PTPRD: variants seen among roughly 807,000 people sequenced by gnomAD.
The protein encoded by PTPRD is protein tyrosine phosphatase receptor type D, also known as receptor-type tyrosine-protein phosphatase delta.
PTPRD carries 34 observed loss-of-function variants against 214.5 expected under a neutral mutation model. The ratio of observed to expected loss-of-function variants is 0.16; its 90% CI spans 0.12 to 0.21. The LOEUF (loss-of-function observed/expected upper bound fraction) is 0.21. Ranked by LOEUF, PTPRD falls within the 10% of genes least tolerant of loss-of-function variation. The probability of loss-of-function intolerance (pLI) is 1.00; values close to 1 mark genes in which losing one functional copy is unlikely to be tolerated. For missense variants in PTPRD, 2,545 were observed against 2,398.7 expected (o/e 1.06, Z -1.27); for synonymous variants, 1,128 against 845.7 (o/e 1.33, Z -5.79).
rs191459216 is a variant in PTPRD, at chr9:8,892,134, G to T, written c.-104+126563C>A. 1.6e-3 allele frequency among the ~76,000 whole-genome samples: 250 copies of T among 152,220 alleles called. 1 individual carries two copies. The highest frequency in any genetic ancestry group is 5.7e-3 in the African/African-American group (237 of 41,522). ...TTCTTCTGATCCTCTGCTGACCCCA[G>T]CCCTAACAGCATGGGAGAGTTCAGT... On this transcript the variant is annotated intron_variant, in intron 11 of 45. Coordinates refer to ENST00000381196, the MANE Select transcript of PTPRD (RefSeq NM_002839.4).
chr9:8,331,346 TAATAGGAAGCA>T (rs1840702440), intron 44 of PTPRD, among the ~76,000 whole-genome samples: 1 of 152,154 alleles, frequency 6.6e-6, no homozygotes, highest in Non-Finnish European at 1.5e-5. Flanking sequence ...TTGGTTTGTC[TAATAGGAAGCA>T]AATTTTTTGG....
At chr9:10,496,756 T>C (rs1302835231) in intron 2 of PTPRD, among the ~76,000 whole-genome samples, 2 of 152,100 alleles carry the variant, frequency 1.3e-5, no homozygotes, top group Admixed American at 6.6e-5. Context: ...TATATCTTCT[T>C]TTGAGAGGTG....
At chr9:9,733,535 A>T (rs1272668794) in intron 7 of PTPRD, among the ~76,000 whole-genome samples, 6 of 152,200 alleles carry the variant, frequency 3.9e-5, no homozygotes, top group Admixed American at 3.9e-4. Context: ...ACATATTGAG[A>T]AATCCTGAAA....
chr9:10,223,611 C>A (rs1300844097), intron 3 of PTPRD, among the ~76,000 whole-genome samples: 5 of 150,492 alleles, frequency 3.3e-5, no homozygotes, highest in South Asian at 4.2e-4. Context: ...TTGCATTGAG[C>A]CAAGATCACA....
chr9:10,166,547 T>C (rs573470014), intron 3 of PTPRD, among the ~76,000 whole-genome samples: 15 of 152,148 alleles, frequency 9.9e-5, no homozygotes, highest in African/African-American at 3.4e-4. Context: ...CTCTGGAATT[T>C]AAATTATGAA....
intron 7 of PTPRD, among the ~76,000 whole-genome samples, chr9:9,727,421 G>C (rs367913274): frequency 6.6e-6 from 1 of 152,128 alleles, no homozygotes; most frequent in African/African-American, 2.4e-5. Context: ...CTGCACTCTA[G>C]CCTGGATAAC....
At chr9:10,226,690 C>T (rs1204021293) in intron 3 of PTPRD, among the ~76,000 whole-genome samples, 1 of 151,968 alleles carries the variant, frequency 6.6e-6, no homozygotes, top group African/African-American at 2.4e-5. Flanking sequence ...TGAAGCTAGC[C>T]CTTTTCCCAT....
At chr9:10,223,291 C>T (rs2099577443) in intron 3 of PTPRD, among the ~76,000 whole-genome samples, 1 of 151,750 alleles carries the variant, frequency 6.6e-6, no homozygotes, top group African/African-American at 2.4e-5. Context: ...TGCCTTTGTC[C>T]ATTTTATGCC....
At chr9:10,468,747 A>G (rs1025750738) in intron 2 of PTPRD, among the ~76,000 whole-genome samples, 1 of 152,144 alleles carries the variant, frequency 6.6e-6, no homozygotes, top group Non-Finnish European at 1.5e-5. Context: ...CAAATTCAGC[A>G]GTGAATGTTT....
At chr9:8,809,579 G>A (rs79715438) in intron 11 of PTPRD, among the ~76,000 whole-genome samples, 1 of 152,158 alleles carries the variant, frequency 6.6e-6, no homozygotes, top group African/African-American at 2.4e-5. Flanking sequence ...AGTCCTCAAA[G>A]ATATTATTAT....
chr9:9,232,262 T>C (rs2099963582), intron 9 of PTPRD, among the ~76,000 whole-genome samples: 1 of 152,172 alleles, frequency 6.6e-6, no homozygotes, highest in South Asian at 2.1e-4. Context: ...GATCAGCTTG[T>C]GGAAAATCAA....
intron 3 of PTPRD, among the ~76,000 whole-genome samples, chr9:10,088,964 T>C (rs969520649): frequency 1.3e-5 from 2 of 151,554 alleles, no homozygotes; most frequent in African/African-American, 4.8e-5. Context: ...GTGGTGAATT[T>C]AGGGGCCAAG....
At chr9:9,041,004 G>C (rs1379013409) in intron 10 of PTPRD, among the ~76,000 whole-genome samples, 5 of 152,190 alleles carry the variant, frequency 3.3e-5, no homozygotes, top group Admixed American at 2.6e-4. Context: ...TGCACTTCTT[G>C]TCTTAACTAC....
chr9:10,394,519 A>C (rs1247051259), intron 2 of PTPRD, among the ~76,000 whole-genome samples: 2 of 151,810 alleles, frequency 1.3e-5, no homozygotes. Flanking sequence ...TTGCTACATA[A>C]ACTAAGTTGG....
chr9:9,160,615 G>C (rs1010386540), intron 10 of PTPRD, among the ~76,000 whole-genome samples: 1 of 152,120 alleles, frequency 6.6e-6, no homozygotes, highest in African/African-American at 2.4e-5. Flanking sequence ...ATAGAAAATG[G>C]CATGGAGATT....
intron 10 of PTPRD, among the ~76,000 whole-genome samples, chr9:9,115,441 C>G (rs2154458109): frequency 6.6e-6 from 1 of 152,198 alleles, no homozygotes; most frequent in African/African-American, 2.4e-5. Flanking sequence ...ACCACCTTAC[C>G]CCAGCCAGAA....
intron 4 of PTPRD, among the ~76,000 whole-genome samples, chr9:9,979,326 A>G (rs1307637662): frequency 6.6e-6 from 1 of 152,106 alleles, no homozygotes; most frequent in African/African-American, 2.4e-5. Flanking sequence ...TTCCAGATGA[A>G]TAATTTTCTT....
At chr9:9,830,302 C>A (rs1374018312) in intron 5 of PTPRD, among the ~76,000 whole-genome samples, 1 of 151,626 alleles carries the variant, frequency 6.6e-6, no homozygotes, top group Non-Finnish European at 1.5e-5. Context: ...GGCCACATCC[C>A]ATTTTTTATT....
At chr9:8,704,209 C>G (rs1326467717) in intron 12 of PTPRD, among the ~76,000 whole-genome samples, 2 of 152,128 alleles carry the variant, frequency 1.3e-5, no homozygotes, top group Non-Finnish European at 2.9e-5. Context: ...ACACCAGAGC[C>G]AGCAACGTTG....
Sources: allele counts gnomAD v4.1 joint callset (sites outside exome capture counted in the v4.1 genomes callset), GRCh38; gene constraint gnomAD v4.1.1; transcripts MANE v1.5; gene names NCBI Gene and HGNC (gene_info 2026-07-23, HGNC 2026-07-21).